CEP78: variants seen among roughly 807,000 people sequenced by gnomAD.
The protein encoded by CEP78 is centrosomal protein of 78 kDa.
Under a neutral mutation model 81.2 loss-of-function variants are expected in CEP78, and 76 were observed. The observed-to-expected ratio is 0.94, with a 90% CI of 0.78 to 1.13. The LOEUF (loss-of-function observed/expected upper bound fraction) is 1.13, where lower values mean the gene tolerates loss of function less well. CEP78 is among the 50% of genes most tolerant of loss of function. CEP78 has a pLI of 0.00. For synonymous variants in CEP78, 293 were observed against 301.4 expected, an observed-to-expected ratio of 0.97 and a Z score of 0.29; for missense variants, 918 against 846.8, an observed-to-expected ratio of 1.08 and a Z score of -1.04.
chr9:78,247,931 A>C (rs1826573457), intron 6 of CEP78, among the ~76,000 whole-genome samples: 1 of 152,208 alleles, frequency 6.6e-6, no homozygotes, highest in South Asian at 2.1e-4. Context: ...TTGGGGGCGC[A>C]TCATGACTTT....
rs1827757662 is a variant in CEP78, at chr9:78,274,272, G to T, written c.*3421G>T. 6.6e-6 allele frequency: 1 copy of T among 152,150 alleles called. No individual in the cohort carries two copies. The allele number at this position is 152,150 out of a possible 1,614,324, so 9.4% of individuals were successfully genotyped here. On this transcript the variant is annotated 3_prime_UTR_variant, in exon 17 of 17. Coordinates refer to ENST00000643273, the MANE Select transcript of CEP78 (RefSeq NM_001330691.3). ...TCCATTTATATGGCATTCTTGAAAA[G>T]ACAAAACTATAGTGACAGAACAGAT...
chr9:78,244,707 A>G (rs569109148), intron 5 of CEP78, among the ~76,000 whole-genome samples: 21 of 152,272 alleles, frequency 1.4e-4, no homozygotes, highest in Admixed American at 7.8e-4. Context: ...TACATTTACC[A>G]TGTCATTTTT....
chr9:78,250,460 C>T (rs1409609118), intron 8 of CEP78: 5 of 336,814 alleles, frequency 1.5e-5, no homozygotes, highest in East Asian at 8.7e-5. Flanking sequence ...TATTTGCGGC[C>T]GGGCACGGTG....
At chr9:78,238,600 G>A (rs889873884) in intron 1 of CEP78, among the ~76,000 whole-genome samples, 1 of 147,204 alleles carries the variant, frequency 6.8e-6, no homozygotes. Context: ...ACCACTTGTC[G>A]TGTGCCCGGC....
chr9:78,270,909 G>T lies in CEP78; in HGVS notation c.*58G>T. On this transcript the variant is annotated 3_prime_UTR_variant, in exon 17 of 17. Transcript: ENST00000643273. Reference sequence around the variant, plus strand: ...AGCAGAGTTGGAAAACCAGAAATTTGAACAGTGAAATTTCTGGAAGATAAG... The same window carrying T: ...AGCAGAGTTGGAAAACCAGAAATTTTAACAGTGAAATTTCTGGAAGATAAG... 2 of 655,168 alleles carry T rather than the reference G, an allele frequency of 3.1e-6. No individual in the cohort carries two copies. Among genetic ancestry groups the T allele is most frequent in the South Asian group, 1.7e-5 (1 of 57,362 alleles). 40.6% of individuals were successfully genotyped at this position (655,168 alleles called of 1,614,324 possible). A position where few individuals can be genotyped will look rare whatever the true frequency, so the allele number is the denominator to read the frequency against.
At chr9:78,250,541 C>A (rs1826707806) in intron 8 of CEP78, 1 of 213,728 alleles carries the variant, frequency 4.7e-6, no homozygotes, top group South Asian at 1.9e-4. Flanking sequence ...GAGTTGGAGA[C>A]CAGCCTGGGC....
At chr9:78,260,706 C>CA (rs1204270796) in intron 11 of CEP78, among the ~76,000 whole-genome samples, 3,738 of 52,746 alleles carry the variant, frequency 0.071, 259 homozygotes, top group African/African-American at 0.2. Flanking sequence ...GACTCCATCT[C>CA]AAAAAAAAAA....
At chr9:78,263,212 C>G (rs1480882224) in intron 12 of CEP78, among the ~76,000 whole-genome samples, 9 of 151,780 alleles carry the variant, frequency 5.9e-5, no homozygotes, top group Non-Finnish European at 1.0e-4. Flanking sequence ...TTTTCTTTTC[C>G]TCTGTTTTTA....
chr9:78,274,475 T>A lies in CEP78; in HGVS notation c.*3624T>A, dbSNP rs574773210. 131 of 152,226 alleles carry A rather than the reference T, an allele frequency of 8.6e-4. No homozygotes were observed. Among genetic ancestry groups the A allele is most frequent in the African/African-American group, 2.9e-3 (121 of 41,476 alleles). The allele number at this position is 152,226 out of a possible 1,614,324, so 9.4% of individuals were successfully genotyped here. ...ACTGCATACTCTCAAAAAAATTAGTTTTACTCTATAATAATATTAGAGCTT... is the reference window on the plus strand; with the variant it reads ...ACTGCATACTCTCAAAAAAATTAGTATTACTCTATAATAATATTAGAGCTT... On this transcript the variant is annotated 3_prime_UTR_variant, in exon 17 of 17. Transcript: ENST00000643273.
In CEP78 at chr9:78,242,994, T is replaced by C. The variant is rs569321789; in HGVS notation, c.604-468T>C. On this transcript the variant is annotated intron_variant, in intron 4 of 16. Transcript: ENST00000643273. Reference sequence around the variant, plus strand: ...TATTGTTTCTGTTTGATTTGTAATATACATAAAATATGTATATAGAAATTC... The same window carrying C: ...TATTGTTTCTGTTTGATTTGTAATACACATAAAATATGTATATAGAAATTC... 1.7e-4 allele frequency among the ~76,000 whole-genome samples: 26 copies of C among 152,296 alleles called. No homozygotes were observed. In the South Asian group the frequency reaches 2.3e-3, roughly 13 times the overall value.
At chr9:78,252,464 C>A (rs193058611) in intron 9 of CEP78, among the ~76,000 whole-genome samples, 1 of 152,122 alleles carries the variant, frequency 6.6e-6, no homozygotes, top group Admixed American at 6.5e-5. Flanking sequence ...ACTCAGCCAA[C>A]TGGCCTAACT....
rs549110236 is a variant in CEP78, at chr9:78,278,045, G to C, written c.*7194G>C. On this transcript the variant is annotated 3_prime_UTR_variant, in exon 17 of 17. Coordinates refer to ENST00000643273, the MANE Select transcript of CEP78 (RefSeq NM_001330691.3). ...ATATGCGTGTGTGCACCCTAGAAAA[G>C]AGTCTGTGATAACACATATCAAGCT... The C allele has an allele frequency of 1.3e-5, 2 of 152,168 alleles. No homozygotes were observed. Among genetic ancestry groups the C allele is most frequent in the Non-Finnish European group, 2.9e-5 (2 of 68,018 alleles). The allele number at this position is 152,168 out of a possible 1,614,324, so 9.4% of individuals were successfully genotyped here.
chr9:78,262,936 A>C lies in CEP78; in HGVS notation c.1410A>C (p.Leu470Phe). 6.5e-7 allele frequency: 1 copy of C among 1,544,956 alleles called. No individual in the cohort carries two copies. The highest frequency in any genetic ancestry group is 8.8e-7 in the Non-Finnish European group (1 of 1,142,800). The change falls in exon 12 of 17, where the codon TTA becomes TTC. Residue 470 changes from leucine to phenylalanine, a missense_variant. Physicochemically the swap from Leu to Phe is conservative, Grantham distance 22. Transcript: ENST00000643273. ...QEKLEECLKQ[L>F]KEERVIRLKV... ...AACTGGAGGAGTGCCTAAAGCAGTT[A>C]AAGGAAGAAAGAGTGATAAGGCTTA...
rs1226968985 is a variant in CEP78, at chr9:78,278,593, A to G, written c.*7742A>G. The G allele has an allele frequency of 2.0e-5, 3 of 152,212 alleles. No homozygotes were observed. The highest frequency in any genetic ancestry group is 4.4e-5 in the Non-Finnish European group (3 of 68,030). 9.4% of individuals were successfully genotyped at this position (152,212 alleles called of 1,614,324 possible). A position where few individuals can be genotyped will look rare whatever the true frequency, so the allele number is the denominator to read the frequency against. On this transcript the variant is annotated 3_prime_UTR_variant, in exon 17 of 17. Coordinates refer to ENST00000643273, the MANE Select transcript of CEP78 (RefSeq NM_001330691.3). ...ACTCACGAAGTATGTTTCACAATCC[A>G]CTAATGGGTAATGTCCTACTGTTTG... is the stretch of plus-strand genomic sequence containing the variant.
rs891566205 is a variant in CEP78, at chr9:78,273,978, G to A, written c.*3127G>A. Reference sequence around the variant, plus strand: ...CAAAATGACTCAGTCACTCAAAACAGTTTGGCAGATTCTTTAAATGCTAAC... The same window carrying A: ...CAAAATGACTCAGTCACTCAAAACAATTTGGCAGATTCTTTAAATGCTAAC... On this transcript the variant is annotated 3_prime_UTR_variant, in exon 17 of 17. Coordinates refer to ENST00000643273, the MANE Select transcript of CEP78 (RefSeq NM_001330691.3). 25 of 152,214 alleles carry A rather than the reference G, an allele frequency of 1.6e-4. No homozygotes were observed. The highest frequency in any genetic ancestry group is 5.8e-4 in the African/African-American group (24 of 41,450). The allele number at this position is 152,214 out of a possible 1,614,324, so 9.4% of individuals were successfully genotyped here. A position where few individuals can be genotyped will look rare whatever the true frequency, so the allele number is the denominator to read the frequency against.
chr9:78,251,138 AC>A (rs1455805432), intron 8 of CEP78, among the ~76,000 whole-genome samples: 1 of 152,208 alleles, frequency 6.6e-6, no homozygotes, highest in African/African-American at 2.4e-5. Context: ...AGCTTTTACT[AC>A]CAAATATTTC....
At chr9:78,247,872 C>T (rs2118237804) in intron 6 of CEP78, among the ~76,000 whole-genome samples, 1 of 152,208 alleles carries the variant, frequency 6.6e-6, no homozygotes, top group African/African-American at 2.4e-5. Context: ...TTGCATACAA[C>T]TGGGTGGTAC....
At chr9:78,238,121 GTC>G (rs1190896618) in intron 1 of CEP78, among the ~76,000 whole-genome samples, 2 of 147,328 alleles carry the variant, frequency 1.4e-5, no homozygotes, top group African/African-American at 5.1e-5. Context: ...GCAAAACTCT[GTC>G]TCAAAAAAAA....
rs547680860 is a variant in CEP78, at chr9:78,276,447, A to G, written c.*5596A>G. 2.0e-5 allele frequency: 3 copies of G among 152,306 alleles called. No individual in the cohort carries two copies. The highest frequency in any genetic ancestry group is 7.2e-5 in the African/African-American group (3 of 41,574). 9.4% of individuals were successfully genotyped at this position (152,306 alleles called of 1,614,324 possible). On this transcript the variant is annotated 3_prime_UTR_variant, in exon 17 of 17. Transcript: ENST00000643273. ...TTTTGCTAAGATAAAAACGGTACTA[A>G]AAAGTACACATTTTGGGAAATGAGA...
Sources: gnomAD v4.1 joint callset for allele counts (sites outside exome capture counted in the v4.1 genomes callset) on GRCh38, gnomAD v4.1.1 for gene constraint, MANE v1.5 for transcripts, NCBI Gene and HGNC (gene_info 2026-07-23, HGNC 2026-07-21) for gene names.